Variants in DTNB observed in about 807,000 individuals in gnomAD.
The protein encoded by DTNB is DTN-B.
In DTNB, 63 loss-of-function variants were observed where a neutral mutation model predicts 90.7. The observed-to-expected ratio is 0.69, with a 90% CI of 0.57 to 0.86. DTNB has a LOEUF of 0.86. Among genes scored for constraint, DTNB ranks in the 40% least tolerant of loss-of-function variants. The probability of loss-of-function intolerance (pLI) is 0.00; values close to 1 mark genes in which losing one functional copy is unlikely to be tolerated. For synonymous variants in DTNB, 277 were observed against 286.7 expected (o/e 0.97, Z 0.34); for missense variants, 744 against 807.1 (o/e 0.92, Z 0.95).
chr2:25,600,501 T>C (rs572390171), intron 5 of DTNB, among the ~76,000 whole-genome samples: 1 of 152,342 alleles, frequency 6.6e-6, no homozygotes, highest in Admixed American at 6.5e-5. Flanking sequence ...GGTACCAACT[T>C]TGAACTTCTC....
chr2:25,471,343 A>G (rs980390539), intron 10 of DTNB, among the ~76,000 whole-genome samples: 1 of 149,206 alleles, frequency 6.7e-6, no homozygotes, highest in Non-Finnish European at 1.5e-5. Context: ...TGCTATCTAA[A>G]TTTGTCAAAT....
At chr2:25,412,593 AAAGTCTTTTT>A (rs922934884) in intron 16 of DTNB, among the ~76,000 whole-genome samples, 1 of 152,214 alleles carries the variant, frequency 6.6e-6, no homozygotes, top group Admixed American at 6.5e-5. Context: ...AAACATATAT[AAAGTCTTTTT>A]AAGTCTTTAA....
chr2:25,453,075 G>A (rs1364304428), intron 11 of DTNB, among the ~76,000 whole-genome samples: 1 of 152,016 alleles, frequency 6.6e-6, no homozygotes, highest in Non-Finnish European at 1.5e-5. Flanking sequence ...AATGCTTAAC[G>A]ATACAAGTGG....
intron 9 of DTNB, among the ~76,000 whole-genome samples, chr2:25,520,869 TAC>T (rs1049431548): frequency 2.0e-5 from 3 of 152,216 alleles, no homozygotes; most frequent in Non-Finnish European, 2.9e-5. Context: ...TTACTGTAAT[TAC>T]AGTTTTATAA....
chr2:25,486,044 C>T (rs1039179256), intron 9 of DTNB, among the ~76,000 whole-genome samples: 1 of 151,766 alleles, frequency 6.6e-6, no homozygotes, highest in African/African-American at 2.4e-5. Flanking sequence ...ATAGCTTGAA[C>T]CCGGGAGGCG....
At chr2:25,545,904 G>A (rs374331072) in intron 8 of DTNB, among the ~76,000 whole-genome samples, 2 of 152,238 alleles carry the variant, frequency 1.3e-5, no homozygotes, top group Non-Finnish European at 2.9e-5. Flanking sequence ...TTACAGGCAT[G>A]AGCCACCGTG....
chr2:25,628,307 T>G lies in DTNB; in HGVS notation c.226A>C (p.Ile76Leu). The stretch of plus-strand genomic sequence containing the variant: ...ACAGTTTCGAGGCGGGACACACTGA[T>G]CTCGGTGGTATGGTCCAGTGTATTA... Reference protein sequence around the residue: ...GLNTLDHTTEISVSRLETVIS... With the variant: ...GLNTLDHTTELSVSRLETVIS... The change falls in exon 4 of 21, where the codon ATC becomes CTC. Residue 76 changes from isoleucine (I) to leucine (L), a missense_variant. Transcript: ENST00000406818. 1 of 1,613,652 alleles carries G rather than the reference T, an allele frequency of 6.2e-7. No individual in the cohort carries two copies. The highest frequency in any genetic ancestry group is 8.5e-7 in the Non-Finnish European group (1 of 1,179,820).
intron 1 of DTNB, among the ~76,000 whole-genome samples, chr2:25,663,582 C>A (rs1574211290): frequency 6.6e-6 from 1 of 152,126 alleles, no homozygotes; most frequent in Non-Finnish European, 1.5e-5. Context: ...TTAGTAAATT[C>A]TCTGGTAAGT....
At chr2:25,412,027 G>A (rs1189340039) in intron 16 of DTNB, among the ~76,000 whole-genome samples, 1 of 152,118 alleles carries the variant, frequency 6.6e-6, no homozygotes, top group East Asian at 1.9e-4. Context: ...TAACATCAAG[G>A]GGTTCACCAA....
At chr2:25,401,097 C>A (rs995887347) in intron 16 of DTNB, among the ~76,000 whole-genome samples, 2 of 152,184 alleles carry the variant, frequency 1.3e-5, no homozygotes, top group African/African-American at 4.8e-5. Flanking sequence ...CACAAGGTCA[C>A]ACACAAAATC....
rs1169808182 is a variant in DTNB, at chr2:25,589,367, C to CTTTTTTTTTTTTTTTTTTT, written c.603+6700_603+6718dup. Among the ~76,000 whole-genome samples the CTTTTTTTTTTTTTTTTTTT allele has an allele frequency of 5.6e-4, 32 of 57,546 alleles. 6 individuals are homozygous for CTTTTTTTTTTTTTTTTTTT. The highest frequency in any genetic ancestry group is 1.3e-3 in the Admixed American group (5 of 3,934). The allele number at this position is 57,546 out of a possible 152,430, so 37.8% of individuals were successfully genotyped here. A position where few individuals can be genotyped will look rare whatever the true frequency, so the allele number is the denominator to read the frequency against. Reference sequence around the variant, plus strand: ...GCTTATTCAGGTTTCTTTTTCTTTTCTTTTTTTTTTTTTTTTTTTTTTTTT... The same window carrying CTTTTTTTTTTTTTTTTTTT: ...GCTTATTCAGGTTTCTTTTTCTTTTCTTTTTTTTTTTTTTTTTTTTTTTTTTTTTTTTTTTTTTTTTTTT... On this transcript the variant is annotated intron_variant, in intron 6 of 20. Coordinates refer to ENST00000406818, the MANE Select transcript of DTNB (RefSeq NM_021907.5).
At chr2:25,388,855 T>C (rs1236042231) in intron 16 of DTNB, among the ~76,000 whole-genome samples, 1 of 151,922 alleles carries the variant, frequency 6.6e-6, no homozygotes, top group Non-Finnish European at 1.5e-5. Flanking sequence ...TATACGTATA[T>C]ATCTTTTTTG....
intron 2 of DTNB, among the ~76,000 whole-genome samples, chr2:25,646,535 C>A (rs925903342): frequency 6.6e-6 from 1 of 152,100 alleles, no homozygotes; most frequent in Non-Finnish European, 1.5e-5. Flanking sequence ...TACCTGGAGG[C>A]TTCATCTGTA....
At chr2:25,499,426 T>G (rs959540468) in intron 9 of DTNB, among the ~76,000 whole-genome samples, 7 of 152,160 alleles carry the variant, frequency 4.6e-5, no homozygotes, top group African/African-American at 1.7e-4. Context: ...GATCTGAGGA[T>G]GCCACATGGT....
chr2:25,440,562 TACACTCAGTGA>T (rs2057138468), intron 12 of DTNB, among the ~76,000 whole-genome samples: 1 of 152,242 alleles, frequency 6.6e-6, no homozygotes, highest in Admixed American at 6.5e-5. Flanking sequence ...CCAGAGGACC[TACACTCAGTGA>T]ATGGGCTTGG....
intron 8 of DTNB, among the ~76,000 whole-genome samples, chr2:25,534,671 G>A (rs181226511): frequency 0.017 from 2,526 of 146,934 alleles, 79 homozygotes; most frequent in African/African-American, 0.06. Flanking sequence ...GGTGGCGGCC[G>A]GACAGAGGCA....
intron 6 of DTNB, among the ~76,000 whole-genome samples, chr2:25,582,487 G>T (rs915025549): frequency 1.3e-5 from 2 of 152,180 alleles, no homozygotes; most frequent in Non-Finnish European, 2.9e-5. Context: ...GGCACAGCAG[G>T]AAAGAAGCTG....
Position 25,382,519 on chromosome 2 carries a change from C to CTTTTTT in DTNB, c.1879+1311_1879+1316dup, listed in dbSNP as rs3041261. On this transcript the variant is annotated intron_variant, in intron 19 of 20. Coordinates refer to ENST00000406818, the MANE Select transcript of DTNB (RefSeq NM_021907.5). ...GAGTCAGAAAGACCCAGTTCTCTGC[C>CTTTTTT]TTTTTTTTTTTTTTTTTTTTTTTTT... 3.7e-4 allele frequency among the ~76,000 whole-genome samples: 27 copies of CTTTTTT among 72,050 alleles called. 1 individual carries two copies. The highest frequency in any genetic ancestry group is 1.3e-3 in the African/African-American group (21 of 16,562). 47.3% of individuals were successfully genotyped at this position (72,050 alleles called of 152,430 possible). A position where few individuals can be genotyped will look rare whatever the true frequency, so the allele number is the denominator to read the frequency against.
intron 9 of DTNB, among the ~76,000 whole-genome samples, chr2:25,500,268 G>A (rs1009279350): frequency 6.6e-6 from 1 of 152,042 alleles, no homozygotes; most frequent in Non-Finnish European, 1.5e-5. Flanking sequence ...CAATTGGTCG[G>A]GTGCTCAACT....
Sources: allele counts gnomAD v4.1 joint callset (sites outside exome capture counted in the v4.1 genomes callset), GRCh38; gene constraint gnomAD v4.1.1; transcripts MANE v1.5; gene names NCBI Gene and HGNC (gene_info 2026-07-23, HGNC 2026-07-21).